The following SAMMSON variants were observed in gnomAD, a reference collection of about 807,000 sequenced individuals.
SAMMSON encodes the protein survival associated mitochondrial melanoma specific oncogenic non-coding RNA, also known as long intergenic non-protein coding RNA 1212.
At chr3:70,117,032 A>C (rs554750019) in intron 4 of SAMMSON, among the ~76,000 whole-genome samples, 1 of 152,302 alleles carries the variant, frequency 6.6e-6, no homozygotes, top group Admixed American at 6.5e-5. Context: ...AAGAGCAAAA[A>C]CCTTAATTGC....
intron 4 of SAMMSON, among the ~76,000 whole-genome samples, chr3:70,149,344 A>C: frequency 6.6e-6 from 1 of 152,042 alleles, no homozygotes; most frequent in East Asian, 1.9e-4. Context: ...TGCTAATGTA[A>C]AGACGCAAAC....
intron 7 of SAMMSON, among the ~76,000 whole-genome samples, chr3:70,300,503 T>G (rs1702336919): frequency 6.6e-6 from 1 of 152,004 alleles, no homozygotes; most frequent in African/African-American, 2.4e-5. Context: ...AGCAATGTAG[T>G]TATATACATA....
intron 4 of SAMMSON, among the ~76,000 whole-genome samples, chr3:70,187,908 G>A (rs959909695): frequency 6.6e-6 from 1 of 151,978 alleles, no homozygotes; most frequent in African/African-American, 2.4e-5. Context: ...GAGTCCATGC[G>A]GTTCACTTTG....
At chr3:70,012,390 G>A (rs2066961315) in exon 2 of SAMMSON, 1 of 152,044 alleles carries the variant, frequency 6.6e-6, no homozygotes, top group Admixed American at 6.6e-5. Flanking sequence ...GTGCTTAAGA[G>A]GGAAAGAGGA....
At chr3:70,339,235 T>A (rs564015104) in intron 7 of SAMMSON, among the ~76,000 whole-genome samples, 267 of 152,224 alleles carry the variant, frequency 1.8e-3, no homozygotes, top group African/African-American at 6.1e-3. Context: ...TCCTTACACC[T>A]TATACAAAAA....
chr3:70,391,135 T>C (rs1285960621), downstream of SAMMSON, among the ~76,000 whole-genome samples: 1 of 152,196 alleles, frequency 6.6e-6, no homozygotes, highest in African/African-American at 2.4e-5. Flanking sequence ...GCTGAGACTA[T>C]ATGCCCTAGG....
intron 4 of SAMMSON, among the ~76,000 whole-genome samples, chr3:70,169,506 T>C (rs2067652831): frequency 6.6e-6 from 1 of 151,994 alleles, no homozygotes; most frequent in Admixed American, 6.6e-5. Flanking sequence ...CTATGAAATA[T>C]TTACACATGA....
At chr3:70,017,305 C>T (rs1442588213) in intron 3 of SAMMSON, among the ~76,000 whole-genome samples, 1 of 152,082 alleles carries the variant, frequency 6.6e-6, no homozygotes, top group Non-Finnish European at 1.5e-5. Flanking sequence ...TCCTTCACGT[C>T]CCTTGTAAGT....
chr3:70,381,493 T>G (rs12638389), intron 9 of SAMMSON, among the ~76,000 whole-genome samples: 1 of 152,156 alleles, frequency 6.6e-6, no homozygotes, highest in Non-Finnish European at 1.5e-5. Context: ...ACAAGAGAGA[T>G]ATTAGATTGT....
chr3:70,273,557 A>G (rs76815543), intron 6 of SAMMSON, among the ~76,000 whole-genome samples: 2,360 of 152,242 alleles, frequency 0.016, 48 homozygotes, highest in African/African-American at 0.054. Flanking sequence ...CTAGTGAAAC[A>G]CTTGAGCTAT....
chr3:70,168,068 C>T (rs557142970), intron 4 of SAMMSON, among the ~76,000 whole-genome samples: 7 of 152,024 alleles, frequency 4.6e-5, no homozygotes, highest in Admixed American at 2.0e-4. Context: ...AAGACGTCTC[C>T]GTGAAAGACT....
chr3:70,427,599 A>G (rs1157617151), intron 2 of SAMMSON, among the ~76,000 whole-genome samples: 1 of 151,970 alleles, frequency 6.6e-6, no homozygotes, highest in Non-Finnish European at 1.5e-5. Context: ...TTAGCCGGGC[A>G]TGGTGGCGCG....
At chr3:70,019,229 A>G (rs765787980) in intron 3 of SAMMSON, among the ~76,000 whole-genome samples, 31 of 152,166 alleles carry the variant, frequency 2.0e-4, no homozygotes, top group Non-Finnish European at 3.4e-4. Context: ...GTCTGTTTCT[A>G]GATCTCTAAG....
chr3:70,241,740 C>T (rs1048258730), intron 4 of SAMMSON, among the ~76,000 whole-genome samples: 2 of 152,146 alleles, frequency 1.3e-5, no homozygotes, highest in East Asian at 1.9e-4. Flanking sequence ...CGTCTAATGT[C>T]TCACACACAT....
intron 4 of SAMMSON, among the ~76,000 whole-genome samples, chr3:70,202,889 A>C (rs1375980391): frequency 6.6e-6 from 1 of 152,106 alleles, no homozygotes; most frequent in Non-Finnish European, 1.5e-5. Context: ...ATTAGAGTGG[A>C]AAAGGTGGCA....
At chr3:70,014,894 C>T (rs1164252363) in intron 3 of SAMMSON, 4 of 152,128 alleles carry the variant, frequency 2.6e-5, no homozygotes, top group South Asian at 4.1e-4. Context: ...TAAGGATGAT[C>T]GTGGGATTTT....
At chr3:70,231,655 C>T (rs530617601) in intron 4 of SAMMSON, among the ~76,000 whole-genome samples, 70 of 151,968 alleles carry the variant, frequency 4.6e-4, no homozygotes, top group African/African-American at 1.7e-3. Flanking sequence ...GGGAAACACG[C>T]TAAGGAGAGA....
chr3:70,411,980 A>G (rs1701223305), intron 2 of SAMMSON, among the ~76,000 whole-genome samples: 1 of 152,196 alleles, frequency 6.6e-6, no homozygotes, highest in African/African-American at 2.4e-5. Flanking sequence ...AACATGTAAC[A>G]AAAACTACTT....
chr3:70,124,142 C>T (rs561777604), intron 4 of SAMMSON, among the ~76,000 whole-genome samples: 4 of 152,292 alleles, frequency 2.6e-5, no homozygotes, highest in African/African-American at 9.6e-5. Flanking sequence ...ATTTGATTGT[C>T]TGTCTCCTGG....
Sources: allele counts gnomAD v4.1 joint callset (sites outside exome capture counted in the v4.1 genomes callset), GRCh38; gene constraint gnomAD v4.1.1; transcripts MANE v1.5; gene names NCBI Gene and HGNC (gene_info 2026-07-23, HGNC 2026-07-21).